The following ZFHX3 variants were observed in gnomAD, a reference collection of about 807,000 sequenced individuals.
ZFHX3 encodes the protein zinc finger homeobox 3.
A neutral mutation model predicts 279.1 loss-of-function variants in ZFHX3; 42 were observed. The ratio of observed to expected loss-of-function variants is 0.15; its 90% CI spans 0.12 to 0.19. The LOEUF is 0.19. Among genes scored for constraint, ZFHX3 ranks in the 10% least tolerant of loss-of-function variants. The pLI is 1.00. For synonymous variants in ZFHX3, 2,293 were observed against 1,957.8 expected (o/e 1.17, Z -4.52); for missense variants, 4,981 against 4,754.0 (o/e 1.05, Z -1.40).
At chr16:73,179,560 C>G (rs1435020506) in intron 5 of ZFHX3, among the ~76,000 whole-genome samples, 2 of 152,138 alleles carry the variant, frequency 1.3e-5, no homozygotes, top group Non-Finnish European at 2.9e-5. Context: ...CAGGCCTTAT[C>G]CAACCCCATT....
intron 5 of ZFHX3, among the ~76,000 whole-genome samples, chr16:73,178,382 G>A (rs1189173230): frequency 6.6e-6 from 1 of 152,012 alleles, no homozygotes; most frequent in Non-Finnish European, 1.5e-5. Context: ...CAAGTGATCC[G>A]CCTGCCTCGT....
At chr16:73,145,853 G>C (rs1180385999) in intron 5 of ZFHX3, among the ~76,000 whole-genome samples, 1 of 152,228 alleles carries the variant, frequency 6.6e-6, no homozygotes, top group Non-Finnish European at 1.5e-5. Flanking sequence ...GGTCCTGCAA[G>C]TCCAAGACAG....
At chr16:73,355,047 T>C (rs1421485010) in intron 3 of ZFHX3, among the ~76,000 whole-genome samples, 2 of 152,212 alleles carry the variant, frequency 1.3e-5, no homozygotes, top group Admixed American at 1.3e-4. Context: ...ATTAGGCTTC[T>C]CCTGTTATCC....
At chr16:73,086,002 A>T (rs1371269900) in intron 8 of ZFHX3, among the ~76,000 whole-genome samples, 1 of 151,658 alleles carries the variant, frequency 6.6e-6, no homozygotes, top group Non-Finnish European at 1.5e-5. Context: ...AAAAAAAAAA[A>T]AAAAAATCAA....
At chr16:73,195,500 C>T (rs1165256500) in intron 5 of ZFHX3, among the ~76,000 whole-genome samples, 1 of 149,898 alleles carries the variant, frequency 6.7e-6, no homozygotes, top group Admixed American at 6.7e-5. Context: ...CTCACTACAA[C>T]CTCCGCCACC....
intron 4 of ZFHX3, among the ~76,000 whole-genome samples, chr16:72,859,364 C>T (rs1272986323): frequency 6.6e-6 from 1 of 152,142 alleles, no homozygotes; most frequent in Non-Finnish European, 1.5e-5. Context: ...CAAAGGGTTG[C>T]CTGTGGGTCT....
chr16:72,853,960 AAAAAG>A (rs374264397), intron 4 of ZFHX3, among the ~76,000 whole-genome samples: 29 of 152,218 alleles, frequency 1.9e-4, no homozygotes, highest in South Asian at 1.5e-3. Flanking sequence ...AGGAAAAAAA[AAAAAG>A]AAAAGAAAAG....
chr16:72,828,893 G>A (rs954328311), intron 5 of ZFHX3, among the ~76,000 whole-genome samples: 3 of 151,834 alleles, frequency 2.0e-5, no homozygotes, highest in South Asian at 2.1e-4. Context: ...GTCTCACCAC[G>A]TTGCCCAGGC....
At chr16:72,943,273 C>T (rs894659056) in intron 3 of ZFHX3, among the ~76,000 whole-genome samples, 4 of 152,188 alleles carry the variant, frequency 2.6e-5, no homozygotes, top group Non-Finnish European at 5.9e-5. Flanking sequence ...GGGGCTCACA[C>T]CTGTAATCTC....
At chr16:73,260,071 A>C (rs1460024696) in intron 4 of ZFHX3, among the ~76,000 whole-genome samples, 2 of 152,158 alleles carry the variant, frequency 1.3e-5, no homozygotes, top group Non-Finnish European at 2.9e-5. Flanking sequence ...AGCATGGAAT[A>C]ATTCTTTAGT....
intron 4 of ZFHX3, among the ~76,000 whole-genome samples, chr16:73,284,451 G>A (rs189333642): frequency 7.8e-4 from 119 of 151,714 alleles, no homozygotes; most frequent in Non-Finnish European, 4.4e-5. Flanking sequence ...TATGTGAAAT[G>A]TATTATTATA....
chr16:73,171,537 C>A (rs1285207522), intron 5 of ZFHX3, among the ~76,000 whole-genome samples: 1 of 151,940 alleles, frequency 6.6e-6, no homozygotes, highest in African/African-American at 2.4e-5. Context: ...CCCAGACGTT[C>A]CTTGCAATTT....
At chr16:73,465,090 C>A (rs894479075) in intron 2 of ZFHX3, among the ~76,000 whole-genome samples, 1 of 152,164 alleles carries the variant, frequency 6.6e-6, no homozygotes, top group East Asian at 1.9e-4. Flanking sequence ...ATCTGTGTCT[C>A]CTCAACTCAT....
At chr16:72,893,290 C>A (rs1209945395) in intron 3 of ZFHX3, among the ~76,000 whole-genome samples, 2 of 152,232 alleles carry the variant, frequency 1.3e-5, no homozygotes, top group African/African-American at 2.4e-5. Flanking sequence ...CCAATCCCCC[C>A]ACTACCTCCC....
intron 1 of ZFHX3, among the ~76,000 whole-genome samples, chr16:73,038,787 C>CTATTATTATTAT (rs10539654): frequency 1.2e-4 from 17 of 147,082 alleles, no homozygotes; most frequent in Middle Eastern, 7.1e-3. Flanking sequence ...CTTTTTATTA[C>CTATTATTATTAT]TATTATTATT....
At chr16:73,020,563 C>T (rs1197446104) in intron 1 of ZFHX3, among the ~76,000 whole-genome samples, 1 of 152,204 alleles carries the variant, frequency 6.6e-6, no homozygotes, top group Non-Finnish European at 1.5e-5. Context: ...GCTGCCCCGG[C>T]CAGGCCCGTG....
At chr16:73,330,959 T>C (rs188661896) in intron 3 of ZFHX3, among the ~76,000 whole-genome samples, 1 of 152,318 alleles carries the variant, frequency 6.6e-6, no homozygotes, top group African/African-American at 2.4e-5. Flanking sequence ...ACTAGCTTAG[T>C]GATCCTCAGG....
intron 3 of ZFHX3, among the ~76,000 whole-genome samples, chr16:72,945,596 C>T (rs1426313717): frequency 6.6e-6 from 1 of 152,138 alleles, no homozygotes; most frequent in Non-Finnish European, 1.5e-5. Context: ...GGAAAACATT[C>T]CTTTCCTTTC....
intron 1 of ZFHX3, among the ~76,000 whole-genome samples, chr16:73,881,247 A>T (rs2030138819): frequency 6.6e-6 from 1 of 152,120 alleles, no homozygotes; most frequent in Admixed American, 6.5e-5. Context: ...CACATAATGG[A>T]TGGGGCTGCA....
Sources: allele counts gnomAD v4.1 joint callset (sites outside exome capture counted in the v4.1 genomes callset), GRCh38; gene constraint gnomAD v4.1.1; transcripts MANE v1.5; gene names NCBI Gene and HGNC (gene_info 2026-07-23, HGNC 2026-07-21).